CNTN5: variants seen among roughly 807,000 people sequenced by gnomAD.
The protein encoded by CNTN5 is contactin 5.
In CNTN5, 77 loss-of-function variants were observed where a neutral mutation model predicts 129.1. The ratio of observed to expected loss-of-function variants is 0.60; its 90% CI spans 0.50 to 0.72. The LOEUF is 0.72. CNTN5 is among the 30% of genes least tolerant of loss of function. The pLI, the probability that CNTN5 is intolerant of heterozygous loss-of-function variation, is 0.00. For synonymous variants in CNTN5, 509 were observed against 465.6 expected, an observed-to-expected ratio of 1.09 and a Z score of -1.20; for missense variants, 1,478 against 1,328.8, an observed-to-expected ratio of 1.11 and a Z score of -1.75.
chr11:99,466,677 G>T (rs1944957119), intron 2 of CNTN5, among the ~76,000 whole-genome samples: 1 of 152,092 alleles, frequency 6.6e-6, no homozygotes, highest in Non-Finnish European at 1.5e-5. Context: ...CTCAAGAGGG[G>T]ATTAGGGGAC....
intron 9 of CNTN5, among the ~76,000 whole-genome samples, chr11:100,029,110 G>C (rs1013218886): frequency 1.3e-5 from 2 of 151,554 alleles, no homozygotes; most frequent in African/African-American, 4.8e-5. Flanking sequence ...TAGTTTTTCT[G>C]CCTTAACGGC....
chr11:99,103,126 G>A (rs892074054), intron 1 of CNTN5, among the ~76,000 whole-genome samples: 11 of 152,042 alleles, frequency 7.2e-5, no homozygotes, highest in African/African-American at 2.7e-4. Flanking sequence ...AGACCAGTAT[G>A]GGGAAAACCA....
intron 24 of CNTN5, among the ~76,000 whole-genome samples, chr11:100,351,874 C>G (rs1344377126): frequency 6.6e-6 from 1 of 151,212 alleles, no homozygotes; most frequent in Non-Finnish European, 1.5e-5. Context: ...ACGTATTTAT[C>G]AACTTGAAGT....
At chr11:100,158,462 TTTAC>T (rs1947330548) in intron 13 of CNTN5, among the ~76,000 whole-genome samples, 1 of 151,918 alleles carries the variant, frequency 6.6e-6, no homozygotes, top group Admixed American at 6.6e-5. Context: ...CTTCATGTTG[TTTAC>T]TTTGAATATA....
At chr11:99,940,767 A>T (rs1398010065) in intron 7 of CNTN5, among the ~76,000 whole-genome samples, 2 of 152,014 alleles carry the variant, frequency 1.3e-5, no homozygotes, top group African/African-American at 4.8e-5. Context: ...CACCACAAAG[A>T]TCTACCACTG....
intron 1 of CNTN5, among the ~76,000 whole-genome samples, chr11:99,212,791 T>C (rs1859874483): frequency 2.0e-5 from 3 of 152,122 alleles, no homozygotes; most frequent in Non-Finnish European, 4.4e-5. Flanking sequence ...ATGCTGCAAA[T>C]GTGATTAGTT....
At chr11:100,044,944 T>A (rs1942587668) in intron 9 of CNTN5, among the ~76,000 whole-genome samples, 1 of 152,096 alleles carries the variant, frequency 6.6e-6, no homozygotes, top group African/African-American at 2.4e-5. Flanking sequence ...TCTCTCGCAT[T>A]ACTGAAATCC....
intron 2 of CNTN5, among the ~76,000 whole-genome samples, chr11:99,392,253 T>C (rs1158164839): frequency 6.6e-6 from 1 of 151,688 alleles, no homozygotes; most frequent in Non-Finnish European, 1.5e-5. Context: ...TCAACTATAA[T>C]AGTTATTATA....
At chr11:99,931,704 G>C (rs1400048107) in intron 7 of CNTN5, among the ~76,000 whole-genome samples, 1 of 152,194 alleles carries the variant, frequency 6.6e-6, no homozygotes, top group Admixed American at 6.5e-5. Flanking sequence ...TGGCCAAAGT[G>C]GTCAACCAGT....
At chr11:99,762,025 G>A (rs1346112418) in intron 3 of CNTN5, among the ~76,000 whole-genome samples, 2 of 115,660 alleles carry the variant, frequency 1.7e-5, no homozygotes, top group Admixed American at 9.2e-5. Flanking sequence ...GTGATGATGG[G>A]CATTTTTTCA....
intron 3 of CNTN5, among the ~76,000 whole-genome samples, chr11:99,628,172 T>C (rs1951198708): frequency 6.6e-6 from 1 of 151,958 alleles, no homozygotes; most frequent in Non-Finnish European, 1.5e-5. Context: ...AAGTCTAATT[T>C]ATTCTATAAT....
chr11:99,584,419 G>A (rs189915649), intron 3 of CNTN5, among the ~76,000 whole-genome samples: 156 of 152,224 alleles, frequency 1.0e-3, no homozygotes, highest in African/African-American at 3.6e-3. Flanking sequence ...GAGTGTCCAT[G>A]GTGTTAAAAC....
intron 21 of CNTN5, among the ~76,000 whole-genome samples, chr11:100,323,126 G>A (rs186502676): frequency 6.6e-6 from 1 of 152,056 alleles, no homozygotes; most frequent in Non-Finnish European, 1.5e-5. Context: ...AAAAAGCTGC[G>A]AACTAAAAAA....
At chr11:99,324,595 A>G (rs985046481) in intron 1 of CNTN5, among the ~76,000 whole-genome samples, 5 of 152,212 alleles carry the variant, frequency 3.3e-5, no homozygotes, top group African/African-American at 1.2e-4. Context: ...AATTTAATGG[A>G]AATATGAATT....
intron 6 of CNTN5, among the ~76,000 whole-genome samples, chr11:99,871,577 G>T (rs1350822545): frequency 2.0e-5 from 3 of 151,932 alleles, no homozygotes; most frequent in Admixed American, 2.0e-4. Flanking sequence ...GTCAGGTACT[G>T]GGAAAACGTG....
At chr11:99,473,310 A>G (rs1324207331) in intron 2 of CNTN5, among the ~76,000 whole-genome samples, 1 of 152,172 alleles carries the variant, frequency 6.6e-6, no homozygotes, top group East Asian at 1.9e-4. Flanking sequence ...ACTTTTAAAC[A>G]TATATCTACT....
intron 3 of CNTN5, among the ~76,000 whole-genome samples, chr11:99,637,616 T>C (rs984265181): frequency 5.9e-5 from 9 of 152,084 alleles, no homozygotes; most frequent in Non-Finnish European, 1.2e-4. Context: ...GCATTTCTCA[T>C]ATTCTTTTTA....
intron 10 of CNTN5, among the ~76,000 whole-genome samples, chr11:100,065,853 TTTTTC>T: frequency 6.6e-6 from 1 of 152,242 alleles, no homozygotes; most frequent in African/African-American, 2.4e-5. Context: ...TTTTTGTTCT[TTTTTC>T]TTTTCTTCAA....
chr11:99,535,253 G>C (rs369366423), intron 2 of CNTN5, among the ~76,000 whole-genome samples: 44 of 152,084 alleles, frequency 2.9e-4, no homozygotes, highest in African/African-American at 9.6e-4. Context: ...TATGATGATA[G>C]CTAATAGTAG....
Sources: gnomAD v4.1 joint callset for allele counts (sites outside exome capture counted in the v4.1 genomes callset) on GRCh38, gnomAD v4.1.1 for gene constraint, MANE v1.5 for transcripts, NCBI Gene and HGNC (gene_info 2026-07-23, HGNC 2026-07-21) for gene names.